Variants in LOC128462377 observed in about 807,000 individuals in gnomAD.
the LOC128462377 span, among the ~76,000 whole-genome samples, chr16:89,365,455 T>A: frequency 2.0e-5 from 3 of 152,206 alleles, no homozygotes; most frequent in African/African-American, 7.2e-5. Flanking sequence ...GCCTCCCAGA[T>A]GAGAGGCCTG....
chr16:89,334,069 T>C, the LOC128462377 span, among the ~76,000 whole-genome samples: 1 of 145,308 alleles, frequency 6.9e-6, no homozygotes, highest in African/African-American at 2.6e-5. Flanking sequence ...ACAAGCACTT[T>C]GGAAGGCTGA....
the LOC128462377 span, among the ~76,000 whole-genome samples, chr16:89,385,799 C>T: frequency 2.0e-5 from 3 of 152,266 alleles, no homozygotes; most frequent in African/African-American, 4.8e-5. Flanking sequence ...AGCCTGCCTG[C>T]CTCACCCCCG....
the LOC128462377 span, chr16:89,324,848 C>A: frequency 3.5e-6 from 1 of 285,870 alleles, no homozygotes; most frequent in South Asian, 3.2e-5. Flanking sequence ...AGCTTGCCAA[C>A]AGCCTATTGT....
At chr16:89,323,445 AGGGC>A in the LOC128462377 span, 1 of 407,100 alleles carries the variant, frequency 2.5e-6, no homozygotes, top group East Asian at 1.2e-4. Flanking sequence ...GGCTGAGCCG[AGGGC>A]AGGGGGGCAG....
the LOC128462377 span, among the ~76,000 whole-genome samples, chr16:89,376,412 G>A: frequency 6.6e-6 from 1 of 152,150 alleles, no homozygotes; most frequent in Non-Finnish European, 1.5e-5. Flanking sequence ...TATCATCGAG[G>A]AAAAAGGACA....
the LOC128462377 span, among the ~76,000 whole-genome samples, chr16:89,415,821 C>T: frequency 4.3e-5 from 2 of 46,128 alleles, no homozygotes; most frequent in African/African-American, 8.4e-5. Context: ...CAAAGCTAGA[C>T]TCTGTCTCAA....
At chr16:89,363,999 G>A in the LOC128462377 span, among the ~76,000 whole-genome samples, 1 of 152,064 alleles carries the variant, frequency 6.6e-6, no homozygotes, top group African/African-American at 2.4e-5. Context: ...GTTGGAGGGT[G>A]TGGTGAGCTA....
At chr16:89,385,739 T>C in the LOC128462377 span, among the ~76,000 whole-genome samples, 1 of 152,240 alleles carries the variant, frequency 6.6e-6, no homozygotes, top group African/African-American at 2.4e-5. Flanking sequence ...AGCACCACTT[T>C]CACGTCTGAC....
chr16:89,357,315 C>T, the LOC128462377 span, among the ~76,000 whole-genome samples: 2 of 152,172 alleles, frequency 1.3e-5, no homozygotes, highest in African/African-American at 2.4e-5. Flanking sequence ...GTGCTCACCA[C>T]GTGTCCCGGG....
the LOC128462377 span, among the ~76,000 whole-genome samples, chr16:89,342,959 G>A: frequency 6.6e-6 from 1 of 152,154 alleles, no homozygotes; most frequent in Non-Finnish European, 1.5e-5. Context: ...TCATAATTCC[G>A]AATTTGGGAT....
At chr16:89,385,904 TC>T in the LOC128462377 span, among the ~76,000 whole-genome samples, 1 of 152,162 alleles carries the variant, frequency 6.6e-6, no homozygotes, top group African/African-American at 2.4e-5. Flanking sequence ...AACCCGGTGG[TC>T]CCCACTCCCA....
the LOC128462377 span, among the ~76,000 whole-genome samples, chr16:89,385,831 G>C: frequency 6.6e-6 from 1 of 152,234 alleles, no homozygotes; most frequent in South Asian, 2.1e-4. Context: ...CCAGAGGCCG[G>C]GGATTAGGCC....
At chr16:89,338,240 C>A in the LOC128462377 span, among the ~76,000 whole-genome samples, 1 of 152,068 alleles carries the variant, frequency 6.6e-6, no homozygotes, top group African/African-American at 2.4e-5. Flanking sequence ...CACTCAGTGT[C>A]CATGTGCTGC....
At chr16:89,342,470 A>C in the LOC128462377 span, among the ~76,000 whole-genome samples, 16 of 152,352 alleles carry the variant, frequency 1.1e-4, no homozygotes, top group African/African-American at 3.8e-4. Flanking sequence ...AACAGGAACA[A>C]GGCAAAGCGT....
chr16:89,326,198 G>A, the LOC128462377 span, among the ~76,000 whole-genome samples: 12 of 152,200 alleles, frequency 7.9e-5, no homozygotes, highest in African/African-American at 2.9e-4. Flanking sequence ...AGGCAGGGAC[G>A]GCAGATGGAG....
chr16:89,392,178 A>C, the LOC128462377 span, among the ~76,000 whole-genome samples: 1 of 152,142 alleles, frequency 6.6e-6, no homozygotes, highest in African/African-American at 2.4e-5. Flanking sequence ...GTTATAAATG[A>C]CCCTGGTCTC....
At chr16:89,409,409 G>A in the LOC128462377 span, among the ~76,000 whole-genome samples, 6,232 of 152,282 alleles carry the variant, frequency 0.041, 212 homozygotes, top group East Asian at 0.18. Flanking sequence ...TTCTTCCTCC[G>A]TGGGTTGCAG....
chr16:89,407,502 C>G, the LOC128462377 span, among the ~76,000 whole-genome samples: 3 of 152,098 alleles, frequency 2.0e-5, no homozygotes, highest in Non-Finnish European at 2.9e-5. Flanking sequence ...GGCTGTTGCA[C>G]GACAGCCGCA....
At chr16:89,390,668 G>A in the LOC128462377 span, among the ~76,000 whole-genome samples, 1 of 152,070 alleles carries the variant, frequency 6.6e-6, no homozygotes, top group African/African-American at 2.4e-5. Flanking sequence ...CAGGCAAAAG[G>A]GACGACAGGT....
Sources: allele counts gnomAD v4.1 joint callset (sites outside exome capture counted in the v4.1 genomes callset), GRCh38; gene constraint gnomAD v4.1.1; transcripts MANE v1.5.